CHD9: variants seen among roughly 807,000 people sequenced by gnomAD.
The protein encoded by CHD9 is ATP-dependent chromatin remodeler CHD9.
Under a neutral mutation model 316.1 loss-of-function variants are expected in CHD9, and 77 were observed. The ratio of observed to expected loss-of-function variants is 0.24; its 90% CI spans 0.20 to 0.29. The LOEUF (loss-of-function observed/expected upper bound fraction) is 0.29, where lower values mean the gene tolerates loss of function less well. Among genes scored for constraint, CHD9 ranks in the 10% least tolerant of loss-of-function variants. The pLI is 1.00. For missense variants in CHD9, 2,763 were observed against 3,438.1 expected, an observed-to-expected ratio of 0.80 and a Z score of 4.91; for synonymous variants, 1,129 against 1,158.3, an observed-to-expected ratio of 0.97 and a Z score of 0.51.
chr16:53,075,288 A>G (rs2034427427), intron 1 of CHD9, among the ~76,000 whole-genome samples: 1 of 152,204 alleles, frequency 6.6e-6, no homozygotes, highest in African/African-American at 2.4e-5. Context: ...GCTCATAGAC[A>G]GAAGGGACCT....
chr16:53,255,518 T>C, intron 18 of CHD9, 82 bp from the exon 19 acceptor site: 1 of 1,273,442 alleles, frequency 7.9e-7, no homozygotes, highest in East Asian at 2.3e-5. Flanking sequence ...GCCTCTTGTG[T>C]TCTTTGACAT....
intron 1 of CHD9, among the ~76,000 whole-genome samples, chr16:53,056,397 A>G (rs1438527750): frequency 6.6e-6 from 1 of 152,244 alleles, no homozygotes; most frequent in Non-Finnish European, 1.5e-5. Flanking sequence ...CCTATGCTAG[A>G]GGCTTTCTGT....
chr16:53,207,546 C>T (rs974973028), intron 2 of CHD9, among the ~76,000 whole-genome samples: 4 of 152,064 alleles, frequency 2.6e-5, no homozygotes, highest in African/African-American at 9.7e-5. Flanking sequence ...TTCAAAATAA[C>T]ACTGTTAGCT....
chr16:53,320,177 AAGTG>A (rs1419944554), intron 37 of CHD9, among the ~76,000 whole-genome samples: 1 of 150,266 alleles, frequency 6.7e-6, no homozygotes, highest in African/African-American at 2.5e-5. Flanking sequence ...CCTTAAAAAA[AAGTG>A]AGTGAGTGAG....
chr16:53,318,225 A>T lies in CHD9; in HGVS notation c.7598A>T (p.His2533Leu). 2 of 1,612,236 alleles carry T rather than the reference A, an allele frequency of 1.2e-6. No individual in the cohort carries two copies. Among genetic ancestry groups the T allele is most frequent in the Non-Finnish European group, 1.7e-6 (2 of 1,179,056 alleles). Residue 2533 changes from histidine (H) to leucine (L), a missense_variant, in exon 37 of 39, where the codon CAT (histidine) becomes CTT (leucine). Coordinates refer to ENST00000447540, the MANE Select transcript of CHD9 (RefSeq NM_001308319.2). Reference protein sequence around the residue: ...LGAFIPRMQLHEGRPKQKRHR... With the variant: ...LGAFIPRMQLLEGRPKQKRHR... The stretch of plus-strand genomic sequence containing the variant: ...TATATATTTTAGAGAATGCAGCTTC[A>T]TGAGGGAAGACCCAAACAAAAAAGA...
chr16:53,324,576 C>G lies in CHD9; in HGVS notation c.8375C>G (p.Ala2792Gly). 6.2e-7 allele frequency: 1 copy of G among 1,613,670 alleles called. No individual in the cohort carries two copies. Among genetic ancestry groups the G allele is most frequent in the African/African-American group, 1.3e-5 (1 of 75,048 alleles). ...LNTAAAANPLALNPLLLSNIL... is the reference protein window; with the variant it reads ...LNTAAAANPLGLNPLLLSNIL... The stretch of plus-strand genomic sequence containing the variant: ...ACAGCTGCAGCTGCCAACCCATTAG[C>G]TCTTAACCCACTATTACTATCTAAT... Residue 2792 changes from alanine to glycine, a missense_variant, in exon 39 of 39, where the codon GCT becomes GGT. By Grantham distance (60) the Ala-to-Gly change is moderately conservative. Transcript: ENST00000447540.
At chr16:53,192,351 G>A (rs1003221193) in intron 2 of CHD9, among the ~76,000 whole-genome samples, 2 of 152,188 alleles carry the variant, frequency 1.3e-5, no homozygotes, top group African/African-American at 4.8e-5. Flanking sequence ...TCATAGGACA[G>A]GACTTCAAGG....
intron 1 of CHD9, among the ~76,000 whole-genome samples, chr16:53,102,990 C>T (rs1054591368): frequency 1.3e-5 from 2 of 151,680 alleles, no homozygotes; most frequent in Admixed American, 6.6e-5. Context: ...GGACTACAGG[C>T]ACCCGCCACC....
At chr16:53,079,013 A>G (rs2034788859) in intron 1 of CHD9, among the ~76,000 whole-genome samples, 2 of 151,706 alleles carry the variant, frequency 1.3e-5, no homozygotes, top group African/African-American at 4.8e-5. Context: ...TGAAGCTCCC[A>G]CTCTGCAGCT....
Position 53,304,453 on chromosome 16 carries a change from T to G in CHD9, c.6447T>G (p.Ser2149=), listed in dbSNP as rs1230605736. The change falls in exon 31 of 39, where the codon TCT becomes TCG. Residue 2149 remains serine, a synonymous_variant. Coordinates refer to ENST00000447540, the MANE Select transcript of CHD9 (RefSeq NM_001308319.2). The stretch of plus-strand genomic sequence containing the variant: ...CATCTTGTTCTTCCAGATCATCTTC[T>G]TCCTCATCATCCTCTTCTTGCTCCC... ...ERSSCSSRSS[S]SSSSSSCSHS... The G allele has an allele frequency of 6.3e-7, 1 of 1,576,832 alleles. No individual in the cohort carries two copies. The highest frequency in any genetic ancestry group is 8.6e-7 in the Non-Finnish European group (1 of 1,161,176).
At chr16:53,323,880 A>G (rs2057422472) in intron 38 of CHD9, 140 bp from the exon 39 acceptor site, 1 of 688,212 alleles carries the variant, frequency 1.5e-6, no homozygotes, top group Non-Finnish European at 2.4e-6. Context: ...GGTTATTGCT[A>G]TTATAATTGA....
intron 3 of CHD9, among the ~76,000 whole-genome samples, chr16:53,212,543 A>G (rs1480547532): frequency 6.6e-6 from 1 of 152,208 alleles, no homozygotes; most frequent in African/African-American, 2.4e-5. Context: ...AAGAAAAGCA[A>G]TACTGCCCCT....
At chr16:53,317,204 C>T (rs868425000) in intron 36 of CHD9, among the ~76,000 whole-genome samples, 6 of 149,336 alleles carry the variant, frequency 4.0e-5, no homozygotes, top group Middle Eastern at 7.3e-3. Flanking sequence ...GGACTGTAAG[C>T]CATATTCATA....
intron 1 of CHD9, chr16:53,121,846 A>C (rs2038754970): frequency 6.6e-6 from 1 of 152,640 alleles, no homozygotes; most frequent in Non-Finnish European, 1.5e-5. Context: ...AGTTAAGGAA[A>C]TTTCACAACT....
At position 53,057,979 on chromosome 16, in the gene CHD9, G is replaced by A. The variant is rs1358653836; in HGVS notation, c.-165+2902G>A. On this transcript the variant is annotated intron_variant, in intron 1 of 38. Transcript: ENST00000447540. ...GTCTAGTGTTCCTAAGTATGAGAAG[G>A]CTGCGATGTGCCTTACAGAGAAAGC... Among the ~76,000 whole-genome samples the A allele has an allele frequency of 2.0e-5, 3 of 152,162 alleles. No individual in the cohort carries two copies. In the East Asian group the frequency reaches 5.8e-4, roughly 29 times the overall value.
At chr16:53,116,364 A>T (rs894614764) in intron 1 of CHD9, among the ~76,000 whole-genome samples, 3 of 152,166 alleles carry the variant, frequency 2.0e-5, no homozygotes, top group Admixed American at 2.0e-4. Context: ...CTGGCCTGAC[A>T]TTTCTTATAG....
At position 53,318,204 on chromosome 16, in the gene CHD9, T is replaced by C. The variant is rs373152844; in HGVS notation, c.7585-8T>C. 570 of 1,602,224 alleles carry C rather than the reference T, an allele frequency of 3.6e-4. No homozygotes were observed. The highest frequency in any genetic ancestry group is 4.6e-4 in the Non-Finnish European group (538 of 1,175,736). ...CTTTAAAGATATGTCTTTATCTATA[T>C]ATTTTAGAGAATGCAGCTTCATGAG... On this transcript the variant is annotated splice_polypyrimidine_tract_variant and splice_region_variant and intron_variant, in intron 36 of 38. Transcript: ENST00000447540.
Position 53,291,739 on chromosome 16 carries a change from A to G in CHD9, c.5262A>G (p.Ser1754=). ...TCTTTTAAAAGGATGATGTTTCCTC[A>G]CCAGGAGATCTTGTTATAGCAGATG... is the stretch of plus-strand genomic sequence containing the variant. The part of the protein sequence containing the change: ...FKDDIEDDVS[S]PGDLVIADGD... The change falls in exon 28 of 39, where the codon TCA becomes TCG. Residue 1754 remains serine, a synonymous_variant. Transcript: ENST00000447540. 1 of 1,565,958 alleles carries G rather than the reference A, an allele frequency of 6.4e-7. No individual in the cohort carries two copies. Among genetic ancestry groups the G allele is most frequent in the Non-Finnish European group, 8.6e-7 (1 of 1,162,642 alleles).
In CHD9 at chr16:53,326,634, A is replaced by G. The variant is rs936535794; in HGVS notation, c.*1739A>G. ...GCAATGTCTTAGCAATAGTCTCTAT[A>G]ATGCCCATCCAGGAGAAGTGGGTAG... On this transcript the variant is annotated 3_prime_UTR_variant, in exon 39 of 39. Transcript: ENST00000447540. 2 of 152,526 alleles carry G rather than the reference A, an allele frequency of 1.3e-5. No homozygotes were observed. Among genetic ancestry groups the G allele is most frequent in the Non-Finnish European group, 1.5e-5 (1 of 67,928 alleles). The allele number at this position is 152,526 out of a possible 1,614,324, so 9.4% of individuals were successfully genotyped here. A position where few individuals can be genotyped will look rare whatever the true frequency, so the allele number is the denominator to read the frequency against.
Sources: gnomAD v4.1 joint callset for allele counts (sites outside exome capture counted in the v4.1 genomes callset) on GRCh38, gnomAD v4.1.1 for gene constraint, MANE v1.5 for transcripts, NCBI Gene and HGNC (gene_info 2026-07-23, HGNC 2026-07-21) for gene names.